SAMD12: variants seen among roughly 807,000 people sequenced by gnomAD.
SAMD12 encodes sterile alpha motif domain containing 12.
SAMD12 carries 9 observed loss-of-function variants against 15.0 expected under a neutral mutation model. The ratio of observed to expected loss-of-function variants is 0.60; its 90% CI spans 0.36 to 1.05. The LOEUF is 1.05. SAMD12 is among the 50% of genes least tolerant of loss of function. The pLI is 0.01. For synonymous variants in SAMD12, 86 were observed against 90.1 expected (o/e 0.96, Z 0.25); for missense variants, 230 against 234.2 (o/e 0.98, Z 0.12).
chr8:118,457,874 C>T (rs558511766), intron 2 of SAMD12, among the ~76,000 whole-genome samples: 1 of 152,176 alleles, frequency 6.6e-6, no homozygotes, highest in African/African-American at 2.4e-5. Flanking sequence ...ATTTGCTCAG[C>T]CTTTTCTTCC....
chr8:118,334,080 G>A (rs1256998178), intron 4 of SAMD12, among the ~76,000 whole-genome samples: 1 of 152,094 alleles, frequency 6.6e-6, no homozygotes, highest in East Asian at 1.9e-4. Flanking sequence ...CACATCTTCT[G>A]CAAAGCACTC....
chr8:118,133,765 C>T, the SAMD12 span, among the ~76,000 whole-genome samples: 1 of 151,530 alleles, frequency 6.6e-6, no homozygotes, highest in Non-Finnish European at 1.5e-5. Context: ...TTTTTGCTTC[C>T]AGAAGTTTTG....
chr8:118,334,884 T>C (rs1170918840), intron 4 of SAMD12, among the ~76,000 whole-genome samples: 1 of 152,204 alleles, frequency 6.6e-6, no homozygotes, highest in East Asian at 1.9e-4. Flanking sequence ...TGAGACACCA[T>C]GCCCGGCTCT....
In SAMD12 at chr8:118,269,216, CTCTCTGTGTG is replaced by C. The variant is rs1186914718; in HGVS notation, c.434-71494_434-71485del. Among the ~76,000 whole-genome samples, 384 of 116,894 alleles carry C rather than the reference CTCTCTGTGTG, an allele frequency of 3.3e-3. 1 individual carries two copies. Among genetic ancestry groups the C allele is most frequent in the South Asian group, 9.1e-3 (30 of 3,308 alleles). 76.7% of individuals were successfully genotyped at this position (116,894 alleles called of 152,430 possible). ...TTGTTCTCTCTCTCTCTCTCTCTCT[CTCTCTGTGTG>C]TGTGTGTGTGTGTGTGTGTGTGTGT... On this transcript the variant is annotated intron_variant, in intron 4 of 4. Transcript: ENST00000409003.
intron 2 of SAMD12, among the ~76,000 whole-genome samples, chr8:118,549,820 G>A (rs925070626): frequency 2.6e-5 from 4 of 152,168 alleles, no homozygotes; most frequent in Non-Finnish European, 4.4e-5. Flanking sequence ...AACCAATACA[G>A]AGAAGTGCTT....
chr8:118,590,629 C>T (rs1454897432), intron 1 of SAMD12, among the ~76,000 whole-genome samples: 1 of 152,218 alleles, frequency 6.6e-6, no homozygotes, highest in African/African-American at 2.4e-5. Flanking sequence ...AGTGGTATCT[C>T]CTCTTTTCCC....
At chr8:118,369,862 C>A (rs1446953622) in intron 4 of SAMD12, among the ~76,000 whole-genome samples, 2 of 152,040 alleles carry the variant, frequency 1.3e-5, no homozygotes, top group Admixed American at 1.3e-4. Context: ...TAGGCATGGG[C>A]AAAGATTTCA....
chr8:118,528,753 C>A (rs1262871598), intron 2 of SAMD12, among the ~76,000 whole-genome samples: 2 of 152,198 alleles, frequency 1.3e-5, no homozygotes, highest in African/African-American at 4.8e-5. Context: ...TATTTCTGTG[C>A]AACAGGGGCA....
chr8:118,355,327 G>A (rs2130614765), intron 4 of SAMD12, among the ~76,000 whole-genome samples: 1 of 152,346 alleles, frequency 6.6e-6, no homozygotes, highest in Non-Finnish European at 1.5e-5. Context: ...ATAAGTGGGA[G>A]CTAAGCTATG....
At chr8:118,167,837 C>T in the SAMD12 span, among the ~76,000 whole-genome samples, 2 of 152,234 alleles carry the variant, frequency 1.3e-5, no homozygotes, top group Non-Finnish European at 2.9e-5. Context: ...TAATGAGCAA[C>T]AAACCCAACA....
At chr8:118,350,887 C>T (rs2130594975) in intron 4 of SAMD12, among the ~76,000 whole-genome samples, 1 of 152,334 alleles carries the variant, frequency 6.6e-6, no homozygotes, top group South Asian at 2.1e-4. Context: ...AATGGGAAAC[C>T]TGCCTGCCTC....
At chr8:118,582,583 C>T (rs1827323568) in intron 1 of SAMD12, among the ~76,000 whole-genome samples, 1 of 152,152 alleles carries the variant, frequency 6.6e-6, no homozygotes, top group Non-Finnish European at 1.5e-5. Flanking sequence ...TGTATTAGTT[C>T]ATACCTCCCT....
chr8:118,207,674 TAA>T (rs1819899788), intron 4 of SAMD12, among the ~76,000 whole-genome samples: 1 of 152,236 alleles, frequency 6.6e-6, no homozygotes. Flanking sequence ...ACTGTATGAA[TAA>T]GTGAAGTTCC....
At chr8:118,554,283 C>G (rs1209561206) in intron 2 of SAMD12, among the ~76,000 whole-genome samples, 3 of 151,984 alleles carry the variant, frequency 2.0e-5, no homozygotes, top group Non-Finnish European at 4.4e-5. Flanking sequence ...GGAACCAACC[C>G]AAATGTCCAA....
At chr8:118,392,367 G>A (rs1048550116) in intron 3 of SAMD12, among the ~76,000 whole-genome samples, 4 of 152,246 alleles carry the variant, frequency 2.6e-5, no homozygotes, top group African/African-American at 9.6e-5. Flanking sequence ...GGAGGCAGAG[G>A]TTGCAGTGAG....
intron 4 of SAMD12, among the ~76,000 whole-genome samples, chr8:118,333,942 GT>G (rs1816929633): frequency 6.8e-6 from 1 of 146,446 alleles, no homozygotes; most frequent in Non-Finnish European, 1.5e-5. Context: ...GTGTGTGTGT[GT>G]GTGTGCACAT....
In SAMD12 at chr8:118,485,661, C is replaced by T. The variant is rs113048548; in HGVS notation, c.193-45700G>A. On this transcript the variant is annotated intron_variant, in intron 2 of 3. Coordinates refer to ENST00000314727, the MANE Select transcript of SAMD12 (RefSeq NM_207506.3). ...GAATGTTACGGGCAGTTCTAGCAGC[C>T]GAAATCCATAAATAATTTTGAATTT... Among the ~76,000 whole-genome samples, 446 of 151,908 alleles carry T rather than the reference C, an allele frequency of 2.9e-3. 1 individual carries two copies. The highest frequency in any genetic ancestry group is 0.01 in the African/African-American group (424 of 41,382).
intron 2 of SAMD12, among the ~76,000 whole-genome samples, chr8:118,453,447 C>T (rs187244750): frequency 8.0e-4 from 121 of 152,158 alleles, no homozygotes; most frequent in African/African-American, 2.6e-3. Flanking sequence ...CATATGCCAG[C>T]AGTTGCTTAA....
chr8:118,359,271 T>C (rs1036870299), intron 4 of SAMD12, among the ~76,000 whole-genome samples: 30 of 152,134 alleles, frequency 2.0e-4, no homozygotes, highest in Admixed American at 1.8e-3. Context: ...CAGGGTTAAG[T>C]TGGACATAGA....
Sources: allele counts gnomAD v4.1 joint callset (sites outside exome capture counted in the v4.1 genomes callset), GRCh38; gene constraint gnomAD v4.1.1; transcripts MANE v1.5; gene names NCBI Gene and HGNC (gene_info 2026-07-23, HGNC 2026-07-21).